The following CACNA1B variants were observed in gnomAD, a reference collection of about 807,000 sequenced individuals.
The protein encoded by CACNA1B is voltage-dependent N-type calcium channel subunit alpha-1B.
In CACNA1B, 70 loss-of-function variants were observed where a neutral mutation model predicts 247.2. The ratio of observed to expected loss-of-function variants is 0.28; its 90% CI spans 0.23 to 0.35. The LOEUF (loss-of-function observed/expected upper bound fraction) is 0.35. Ranked by LOEUF, CACNA1B falls within the 10% of genes least tolerant of loss-of-function variation. The probability of loss-of-function intolerance (pLI) is 1.00; values close to 1 mark genes in which losing one functional copy is unlikely to be tolerated. For missense variants in CACNA1B, 2,367 were observed against 3,197.4 expected, an observed-to-expected ratio of 0.74 and a Z score of 6.26; for synonymous variants, 1,231 against 1,294.4, an observed-to-expected ratio of 0.95 and a Z score of 1.05.
At chr9:137,941,690 A>C (rs1957733679) in intron 6 of CACNA1B, among the ~76,000 whole-genome samples, 1 of 152,150 alleles carries the variant, frequency 6.6e-6, no homozygotes, top group South Asian at 2.1e-4. Context: ...CCCAGAAATA[A>C]ACCCAAATAC....
intron 6 of CACNA1B, among the ~76,000 whole-genome samples, chr9:137,926,191 T>C (rs950195089): frequency 1.7e-4 from 26 of 150,340 alleles, no homozygotes; most frequent in African/African-American, 6.3e-4. Context: ...TGCCTCAGCC[T>C]CCCGAGTAGC....
intron 16 of CACNA1B, 87 bp from the exon 17 acceptor site, chr9:138,009,923 G>T: frequency 9.5e-7 from 1 of 1,047,946 alleles, no homozygotes; most frequent in Admixed American, 1.8e-5. Context: ...GCTGGAGGCT[G>T]GTTGGGATCT....
rs1183724067 is a variant in CACNA1B, at chr9:137,882,679, C to T, written c.391-65C>T. Reference sequence around the variant, plus strand: ...CATGGTGGGGTGGGGTCCTCACCAACCGTCTCTGCCCGCTACTACACCGGG... The same window carrying T: ...CATGGTGGGGTGGGGTCCTCACCAATCGTCTCTGCCCGCTACTACACCGGG... On this transcript the variant is annotated intron_variant, in intron 2 of 46. Transcript: ENST00000371372. This position sits in a 1 kb window ranked among gnomAD's most constrained non-coding sequence, Gnocchi z 4.0. 6.3e-7 allele frequency: 1 copy of T among 1,596,060 alleles called. No homozygotes were observed. Among genetic ancestry groups the T allele is most frequent in the Non-Finnish European group, 8.6e-7 (1 of 1,166,140 alleles).
At chr9:137,911,658 A>T (rs1015547173) in intron 3 of CACNA1B, among the ~76,000 whole-genome samples, 2 of 152,152 alleles carry the variant, frequency 1.3e-5, no homozygotes, top group Non-Finnish European at 2.9e-5. Flanking sequence ...ACCTCAGGGG[A>T]TCCACCTGCC....
At chr9:137,963,434 G>C (rs58112952) in intron 10 of CACNA1B, among the ~76,000 whole-genome samples, 1,677 of 152,116 alleles carry the variant, frequency 0.011, 37 homozygotes, top group African/African-American at 0.037. Context: ...TCACTCTGTC[G>C]CCCAGGCTGG....
At position 137,954,396 on chromosome 9, in the gene CACNA1B, C is replaced by A. The variant is rs1015003071; in HGVS notation, c.1071-1302C>A. ...ATCCCAGAGAAGCAGAAGAGGTGGCCCCTGTCCTGCCTCTTCTCACCCAGC... is the reference window on the plus strand; with the variant it reads ...ATCCCAGAGAAGCAGAAGAGGTGGCACCTGTCCTGCCTCTTCTCACCCAGC... On this transcript the variant is annotated intron_variant, in intron 7 of 46. Transcript: ENST00000371372. This position sits in a 1 kb window ranked among gnomAD's most constrained non-coding sequence, Gnocchi z 4.1. Among the ~76,000 whole-genome samples, 7 of 152,212 alleles carry A rather than the reference C, an allele frequency of 4.6e-5. No individual in the cohort carries two copies. The highest frequency in any genetic ancestry group is 1.4e-4 in the African/African-American group (6 of 41,460).
chr9:138,031,951 TTCTG>T (rs141999056), intron 20 of CACNA1B, among the ~76,000 whole-genome samples: 4,209 of 152,260 alleles, frequency 0.028, 126 homozygotes, highest in African/African-American at 0.072. Context: ...ACTCTGTCAA[TTCTG>T]TCTTTTATTT....
rs917586830 is a variant in CACNA1B, at chr9:138,029,779, A to AT, written c.3286+4614dup. On this transcript the variant is annotated intron_variant, in intron 20 of 46. Coordinates refer to ENST00000371372, the MANE Select transcript of CACNA1B (RefSeq NM_000718.4). ...AGGCACGCACCACCACACATGGCTA[A>AT]TTTTTTTGTATTTTTAATAGAGATG... Among the ~76,000 whole-genome samples, 7 of 151,310 alleles carry AT rather than the reference A, an allele frequency of 4.6e-5. 1 individual carries two copies. The highest frequency in any genetic ancestry group is 1.7e-4 in the African/African-American group (7 of 41,236).
chr9:137,892,292 T>G (rs555869513), intron 3 of CACNA1B: 1 of 456,776 alleles, frequency 2.2e-6, no homozygotes, highest in Admixed American at 2.3e-5. Context: ...GATTGGTTTC[T>G]GGCGAGGCCT....
In CACNA1B at chr9:137,921,698, G is replaced by C. The variant is rs552004566; in HGVS notation, c.966+4267G>C. On this transcript the variant is annotated intron_variant, in intron 6 of 46. Transcript: ENST00000371372. ...GCAGAGTAAAGCGTTCGGAGAACACGATCAGCACCACGACCGCACAGCATC... is the reference window on the plus strand; with the variant it reads ...GCAGAGTAAAGCGTTCGGAGAACACCATCAGCACCACGACCGCACAGCATC... Among the ~76,000 whole-genome samples, 115 of 146,822 alleles carry C rather than the reference G, an allele frequency of 7.8e-4. 1 individual carries two copies. The highest frequency in any genetic ancestry group is 5.6e-4 in the Non-Finnish European group (37 of 66,598).
chr9:137,953,219 G>A (rs995139143), intron 7 of CACNA1B, among the ~76,000 whole-genome samples: 3 of 152,240 alleles, frequency 2.0e-5, no homozygotes, highest in Non-Finnish European at 4.4e-5. Context: ...ACAGGGCAAG[G>A]AGTTGTGCTA....
intron 15 of CACNA1B, among the ~76,000 whole-genome samples, chr9:137,987,768 T>C (rs1178612094): frequency 1.3e-5 from 2 of 151,828 alleles, no homozygotes; most frequent in Admixed American, 6.6e-5. Flanking sequence ...CAAAGAGGAG[T>C]TCTGTCCTAA....
At position 138,075,826 on chromosome 9, in the gene CACNA1B, G is replaced by T; in HGVS notation, c.4865G>T (p.Gly1622Val). Residue 1622 changes from glycine (G) to valine (V), a missense_variant, in exon 35 of 47, where the codon GGG becomes GTG. Gly to Val is a moderately radical substitution (Grantham distance 109). Transcript: ENST00000371372. ...TGCTCTTCTCCATTGCAGGTGTTTG[G>T]GAATATTGCCCTGGATGATGACACC... The part of the protein sequence containing the change: ...IYAIIGMQVF[G>V]NIALDDDTSI... The T allele has an allele frequency of 6.2e-7, 1 of 1,607,466 alleles. No homozygotes were observed. The highest frequency in any genetic ancestry group is 1.3e-5 in the African/African-American group (1 of 74,976).
chr9:138,071,108 A>T (rs1286227713), intron 32 of CACNA1B, among the ~76,000 whole-genome samples: 2 of 152,218 alleles, frequency 1.3e-5, no homozygotes, highest in African/African-American at 4.8e-5. Flanking sequence ...GCTAAGAGCA[A>T]TTTTAAATCC....
intron 10 of CACNA1B, among the ~76,000 whole-genome samples, chr9:137,960,668 AGCGCG>A (rs1209410908): frequency 6.6e-6 from 1 of 151,994 alleles, no homozygotes; most frequent in Non-Finnish European, 1.5e-5. Flanking sequence ...CTTGGAGGCC[AGCGCG>A]GCTGGAGTGA....
intron 36 of CACNA1B, among the ~76,000 whole-genome samples, chr9:138,086,713 C>CT (rs1960704718): frequency 3.3e-5 from 5 of 151,234 alleles, no homozygotes; most frequent in African/African-American, 7.3e-5. Flanking sequence ...GTGTCATTTG[C>CT]GGATTTCCGT....
chr9:138,091,298 A>G (rs748868975), intron 36 of CACNA1B, among the ~76,000 whole-genome samples: 20 of 152,174 alleles, frequency 1.3e-4, no homozygotes, highest in Non-Finnish European at 2.6e-4. Context: ...AAAGATAAAT[A>G]TTGCATGTTC....
chr9:137,930,777 T>A (rs946009216), intron 6 of CACNA1B, among the ~76,000 whole-genome samples: 4 of 152,236 alleles, frequency 2.6e-5, no homozygotes, highest in Admixed American at 2.6e-4. Context: ...TTGTTGAGTA[T>A]ACACATATTT....
In CACNA1B at chr9:137,974,686, A is replaced by G. The variant is rs1453477869; in HGVS notation, c.1544-1221A>G. ...CCCCTCTTCCAGTGTCTGCTTTATC[A>G]GAAGTTGTGTCTGCTGAAGGTCCCG... On this transcript the variant is annotated intron_variant, in intron 11 of 46. Coordinates refer to ENST00000371372, the MANE Select transcript of CACNA1B (RefSeq NM_000718.4). The surrounding 1 kb of genome is among the most constrained non-coding windows in gnomAD (Gnocchi z 4.5). Among the ~76,000 whole-genome samples, 1 of 152,082 alleles carries G rather than the reference A, an allele frequency of 6.6e-6. No homozygotes were observed. Among genetic ancestry groups the G allele is most frequent in the Admixed American group, 6.5e-5 (1 of 15,274 alleles).
Sources: gnomAD v4.1 joint callset for allele counts (sites outside exome capture counted in the v4.1 genomes callset) on GRCh38, gnomAD v4.1.1 for gene constraint, Gnocchi (gnomAD v3.1) non-coding constraint, MANE v1.5 for transcripts, NCBI Gene and HGNC (gene_info 2026-07-23, HGNC 2026-07-21) for gene names.